The following KLK12 variants were observed in gnomAD, a reference collection of about 807,000 sequenced individuals.
KLK12 encodes kallikrein-12.
A neutral mutation model predicts 20.0 loss-of-function variants in KLK12; 23 were observed. The ratio of observed to expected loss-of-function variants is 1.15; its 90% CI spans 0.83 to 1.63. The LOEUF is 1.63. Ranked by LOEUF, KLK12 falls within the 40% of genes most tolerant of loss-of-function variation. The pLI is 0.00. For missense variants in KLK12, 351 were observed against 338.6 expected (o/e 1.04, Z -0.29); for synonymous variants, 147 against 141.9 (o/e 1.04, Z -0.25).
In KLK12 at chr19:51,034,156, G is replaced by GA; in HGVS notation, c.38-18_38-17insT. ...GGCTGAGCCCTGGAGACAGACAGGGGCATGGGTCAGAGAGAGGAAGAAAAG... is the reference window on the plus strand; with the variant it reads ...GGCTGAGCCCTGGAGACAGACAGGGGACATGGGTCAGAGAGAGGAAGAAAAG... On this transcript the variant is annotated splice_polypyrimidine_tract_variant and intron_variant, in intron 2 of 5. Transcript: ENST00000684732. 1 of 1,551,348 alleles carries GA rather than the reference G, an allele frequency of 6.4e-7. No individual in the cohort carries two copies.
At chr19:51,029,679 A>G (rs1173375959) in intron 5 of KLK12, among the ~76,000 whole-genome samples, 1 of 152,200 alleles carries the variant, frequency 6.6e-6, no homozygotes, top group African/African-American at 2.4e-5. Flanking sequence ...GGAACTCCAT[A>G]AAGGACAGAG....
At position 51,032,099 on chromosome 19, in the gene KLK12, G is replaced by A; in HGVS notation, c.234C>T (p.Ser78=). The A allele has an allele frequency of 1.9e-6, 3 of 1,604,528 alleles. No homozygotes were observed. Among genetic ancestry groups the A allele is most frequent in the Middle Eastern group, 1.7e-4 (1 of 6,018 alleles). ...YWVRLGEHSL[S]QLDWTEQIRH... ...GGATCTGCTCGGTCCAGTCGAGCTG[G>A]CTGAGGCTGTGTTCCCCCAGGCGCA... The change falls in exon 4 of 6, where the codon AGC becomes AGT. Residue 78 remains serine, a synonymous_variant. Coordinates refer to ENST00000684732, the MANE Select transcript of KLK12 (RefSeq NM_001370125.1).
chr19:51,030,863 G>T lies in KLK12; in HGVS notation c.516C>A (p.Cys172Ter), dbSNP rs2091550499. Residue 172 changes from cysteine to a stop codon, truncating the protein, a stop_gained, in exon 5 of 6, where the codon TGC (cysteine) becomes TGA (stop). Coordinates refer to ENST00000684732, the MANE Select transcript of KLK12 (RefSeq NM_001370125.1). LOFTEE classifies it high-confidence loss of function. Reference protein sequence around the residue: ...LNLSIVSHATCHGVYPGRITS... With the variant: ...LNLSIVSHAT The stretch of plus-strand genomic sequence containing the variant: ...TGATTCTCCCGGGATACACACCATG[G>T]CAGGTGGCATGGGAGACGATGGAGA... 7 of 1,613,970 alleles carry T rather than the reference G, an allele frequency of 4.3e-6. No individual in the cohort carries two copies. In the South Asian group the frequency reaches 7.7e-5, roughly 18 times the overall value.
rs2091550920 is a variant in KLK12 at position 51,030,881 on chromosome 19, G to A, written c.498C>T (p.Ile166=). 1.1e-5 allele frequency: 17 copies of A among 1,614,116 alleles called. No individual in the cohort carries two copies. Among genetic ancestry groups the A allele is most frequent in the Non-Finnish European group, 1.4e-5 (17 of 1,180,038 alleles). ...PDLLQCLNLS[I]VSHATCHGVY... The stretch of plus-strand genomic sequence containing the variant: ...CACCATGGCAGGTGGCATGGGAGAC[G>A]ATGGAGAGGTTGAGGCACTGGAGCA... Residue 166 remains isoleucine (I), a synonymous_variant, in exon 5 of 6, where the codon ATC becomes ATT. Transcript: ENST00000684732.
rs908157616 is a variant in KLK12 at position 51,030,811 on chromosome 19, C to T, written c.568G>A (p.Val190Ile). 8 of 1,613,860 alleles carry T rather than the reference C, an allele frequency of 5.0e-6. No homozygotes were observed. The highest frequency in any genetic ancestry group is 2.7e-5 in the African/African-American group (2 of 74,914). ...ITSNMVCAGG[V>I]PGQDACQGDS... ...ACCTGGCAGGCATCCTGCCCCGGGA[C>T]GCCGCCTGCACACACCATGTTGCTC... The change falls in exon 5 of 6, where the codon GTC becomes ATC. Residue 190 changes from valine (V) to isoleucine (I), a missense_variant. By Grantham distance (29) the Val-to-Ile change is conservative (BLOSUM62 3). Transcript: ENST00000684732.
At chr19:51,031,037 T>A in intron 4 of KLK12, 116 bp from the exon 5 acceptor site, 1 of 1,205,284 alleles carries the variant, frequency 8.3e-7, no homozygotes, top group Non-Finnish European at 1.2e-6. Context: ...CACCGACCTG[T>A]ACTACAATCC....
chr19:51,030,671 G>A lies in KLK12; in HGVS notation c.591+117C>T, dbSNP rs2091547004. On this transcript the variant is annotated intron_variant, in intron 5 of 5. Transcript: ENST00000684732. The stretch of plus-strand genomic sequence containing the variant: ...AGCCTCTCCCTTCCTTTTTGACCCC[G>A]TCTCTCTGCAGCATCCCCTTTCCCT... The A allele has an allele frequency of 5.6e-6, 8 of 1,427,694 alleles. No individual in the cohort carries two copies. The East Asian group carries it at 6.8e-5, about 12-fold the overall frequency. 88.4% of individuals were successfully genotyped at this position (1,427,694 alleles called of 1,614,324 possible). A position where few individuals can be genotyped will look rare whatever the true frequency, so the allele number is the denominator to read the frequency against.
intron 4 of KLK12, chr19:51,031,635 C>G (rs2091558886): frequency 2.0e-6 from 1 of 501,206 alleles, no homozygotes; most frequent in Admixed American, 3.5e-5. Context: ...GTGTGATGAC[C>G]TCTGACACAC....
In KLK12 at chr19:51,030,875, G is replaced by A. The variant is rs762624378; in HGVS notation, c.504C>T (p.Ser168=). 1.9e-6 allele frequency: 3 copies of A among 1,614,014 alleles called. No individual in the cohort carries two copies. The highest frequency in any genetic ancestry group is 2.5e-6 in the Non-Finnish European group (3 of 1,180,050). ...LLQCLNLSIV[S]HATCHGVYPG... is the part of the protein sequence containing the mutation. ...GATACACACCATGGCAGGTGGCATGGGAGACGATGGAGAGGTTGAGGCACT... is the reference window on the plus strand; with the variant it reads ...GATACACACCATGGCAGGTGGCATGAGAGACGATGGAGAGGTTGAGGCACT... Residue 168 remains serine (S), a synonymous_variant, in exon 5 of 6, where the codon TCC becomes TCT. Transcript: ENST00000684732.
Position 51,034,117 on chromosome 19 carries a change from C to T in KLK12, c.60G>A (p.Pro20=), listed in dbSNP as rs1416224337. 3 of 1,554,826 alleles carry T rather than the reference C, an allele frequency of 1.9e-6. No individual in the cohort carries two copies. Among genetic ancestry groups the T allele is most frequent in the African/African-American group, 1.4e-5 (1 of 73,354 alleles). ...CVLGLSQAAT[P]KIFNGTECGR... is the part of the protein sequence containing the mutation. ...CACACTCAGTGCCATTGAAAATCTTCGGTGTGGCTGCCTGGCTGAGCCCTG... is the reference window on the plus strand; with the variant it reads ...CACACTCAGTGCCATTGAAAATCTTTGGTGTGGCTGCCTGGCTGAGCCCTG... Residue 20 remains proline, a synonymous_variant, in exon 3 of 6, where the codon CCG becomes CCA. Transcript: ENST00000684732.
Position 51,032,170 on chromosome 19 carries a change from C to T in KLK12, c.198-35G>A, listed in dbSNP as rs112536916. On this transcript the variant is annotated intron_variant, in intron 3 of 5. Coordinates refer to ENST00000684732, the MANE Select transcript of KLK12 (RefSeq NM_001370125.1). Reference sequence around the variant, plus strand: ...GCGACGGCTGAGCGGGTGGCAGGCACGCAGTCCCCCACCTTGCACCCCTCC... The same window carrying T: ...GCGACGGCTGAGCGGGTGGCAGGCATGCAGTCCCCCACCTTGCACCCCTCC... The T allele has an allele frequency of 6.6e-4, 1,026 of 1,563,406 alleles. 5 individuals are homozygous for T. In the African/African-American group the frequency reaches 0.012, roughly 18 times the overall value.
intron 3 of KLK12, among the ~76,000 whole-genome samples, chr19:51,033,342 G>A (rs2091579256): frequency 6.6e-6 from 1 of 151,408 alleles, no homozygotes; most frequent in African/African-American, 2.4e-5. Context: ...TTGGCCGGGT[G>A]CAGTGGCTCA....
chr19:51,032,210 G>A (rs2091566949), intron 3 of KLK12, 75 bp from the exon 4 acceptor site: 9 of 1,456,796 alleles, frequency 6.2e-6, no homozygotes, highest in South Asian at 3.6e-5. Flanking sequence ...ACACTCAGGC[G>A]CTCCTGCCGC....
chr19:51,032,086 T>C lies in KLK12; in HGVS notation c.247A>G (p.Thr83Ala). Residue 83 changes from threonine to alanine, a missense_variant, in exon 4 of 6, where the codon ACC becomes GCC. Thr to Ala is a moderately conservative substitution (Grantham distance 58). Transcript: ENST00000684732. ...GEHSLSQLDW[T>A]EQIRHSGFSV... ...AAGCCGCTGTGCCGGATCTGCTCGG[T>C]CCAGTCGAGCTGGCTGAGGCTGTGT... 2.5e-6 allele frequency: 4 copies of C among 1,605,256 alleles called. No individual in the cohort carries two copies. In the South Asian group the frequency reaches 3.3e-5, roughly 13 times the overall value.
At chr19:51,031,581 A>T (rs1416546999) in intron 4 of KLK12, among the ~76,000 whole-genome samples, 2 of 84,216 alleles carry the variant, frequency 2.4e-5, no homozygotes, top group Non-Finnish European at 5.7e-5. Flanking sequence ...CACAATGCCC[A>T]TATCCTATAC....
Position 51,031,918 on chromosome 19 carries a change from C to A in KLK12, c.415G>T (p.Glu139Ter). Reference protein sequence around the residue: ...LPNDCATAGTECHVSGWGITN... With the variant: ...LPNDCATAGT ...ATGCCCCAGCCTGAGACGTGGCACTCGGTGCCAGCGGTTGCACAGTCATTG... is the reference window on the plus strand; with the variant it reads ...ATGCCCCAGCCTGAGACGTGGCACTAGGTGCCAGCGGTTGCACAGTCATTG... The change falls in exon 4 of 6, where the codon GAG becomes TAG. Residue 139 changes from glutamate to a stop codon, truncating the protein, a stop_gained. Transcript: ENST00000684732. LOFTEE classifies it high-confidence loss of function. 1 of 1,613,414 alleles carries A rather than the reference C, an allele frequency of 6.2e-7. No individual in the cohort carries two copies. The highest frequency in any genetic ancestry group is 2.2e-5 in the East Asian group (1 of 44,864).
In KLK12 at chr19:51,029,471, G is replaced by T. The variant is rs914253468; in HGVS notation, c.592-14C>A. On this transcript the variant is annotated splice_polypyrimidine_tract_variant and intron_variant, in intron 5 of 5. Coordinates refer to ENST00000684732, the MANE Select transcript of KLK12 (RefSeq NM_001370125.1). Reference sequence around the variant, plus strand: ...CCCAGAATCACCCTGGAAGGGAAGAGAAGTACTGTCTGAACAAGGGAGACA... The same window carrying T: ...CCCAGAATCACCCTGGAAGGGAAGATAAGTACTGTCTGAACAAGGGAGACA... The T allele has an allele frequency of 1.9e-6, 3 of 1,596,868 alleles. No homozygotes were observed. The African/African-American group carries it at 4.0e-5, about 21-fold the overall frequency.
chr19:51,031,815 C>A lies in KLK12; in HGVS notation c.457+61G>T, dbSNP rs547275244. ...TCTGAGGTGTCATGATTCGACCTCT[C>A]GCCCTGCATCCCAGACTTGTACCCA... On this transcript the variant is annotated intron_variant, in intron 4 of 5. Coordinates refer to ENST00000684732, the MANE Select transcript of KLK12 (RefSeq NM_001370125.1). 33 of 1,565,450 alleles carry A rather than the reference C, an allele frequency of 2.1e-5. No homozygotes were observed. The South Asian group carries it at 2.9e-4, about 14-fold the overall frequency.
intron 5 of KLK12, chr19:51,030,200 C>CCAT (rs2091541247): frequency 6.6e-6 from 1 of 150,888 alleles, no homozygotes; most frequent in South Asian, 2.2e-4. Context: ...TAACCCCTGC[C>CCAT]CCATCTTTCC....
Sources: gnomAD v4.1 joint callset for allele counts (sites outside exome capture counted in the v4.1 genomes callset) on GRCh38, gnomAD v4.1.1 for gene constraint, MANE v1.5 for transcripts, NCBI Gene and HGNC (gene_info 2026-07-23, HGNC 2026-07-21) for gene names.